CAPN13: variants seen among roughly 807,000 people sequenced by gnomAD.
CAPN13 encodes the protein calpain 13, also known as calpain-13.
CAPN13 carries 90 observed loss-of-function variants against 98.4 expected under a neutral mutation model. That is an observed-to-expected ratio of 0.92 (90% CI 0.77 to 1.09). The LOEUF (loss-of-function observed/expected upper bound fraction) is 1.09. Ranked by LOEUF, CAPN13 falls within the 50% of genes least tolerant of loss-of-function variation. CAPN13 has a pLI of 0.00. For synonymous variants in CAPN13, 330 were observed against 305.5 expected, an observed-to-expected ratio of 1.08 and a Z score of -0.84; for missense variants, 887 against 841.3, an observed-to-expected ratio of 1.05 and a Z score of -0.67.
chr2:30,737,985 A>G, intron 17 of CAPN13: 1 of 536,238 alleles, frequency 1.9e-6, no homozygotes, highest in South Asian at 2.1e-5. Context: ...ACACACACAC[A>G]CACACACACA....
chr2:30,738,568 T>G (rs141316385), intron 15 of CAPN13, 111 bp from the exon 16 acceptor site: 2 of 1,143,642 alleles, frequency 1.7e-6, no homozygotes, highest in Non-Finnish European at 2.6e-6. Context: ...GTCCCCACAA[T>G]GTACCCATCT....
At chr2:30,724,724 C>A (rs1670798324) in intron 22 of CAPN13, among the ~76,000 whole-genome samples, 1 of 152,242 alleles carries the variant, frequency 6.6e-6, no homozygotes, top group South Asian at 2.1e-4. Context: ...CATCCAGACT[C>A]ACAACTCTCA....
chr2:30,740,595 TC>T (rs1212249226), intron 15 of CAPN13, among the ~76,000 whole-genome samples: 2 of 152,212 alleles, frequency 1.3e-5, no homozygotes, highest in Non-Finnish European at 2.9e-5. Context: ...TGGAATCCAG[TC>T]TCTTTTCTGC....
rs1673671165 is a variant in CAPN13 at position 30,775,994 on chromosome 2, T to C, written c.323A>G (p.Tyr108Cys). The C allele has an allele frequency of 6.2e-7, 1 of 1,613,346 alleles. No homozygotes were observed. Among genetic ancestry groups the C allele is most frequent in the Admixed American group, 1.7e-5 (1 of 59,966 alleles). ...ALGSLTQNPQ[Y>C]RQKILMVQSF... is the part of the protein sequence containing the mutation. ...TTGGACCATCAGGATCTTCTGCCTGTACTGTGGGTTCTGAGTCAAGGATCC... is the reference window on the plus strand; with the variant it reads ...TTGGACCATCAGGATCTTCTGCCTGCACTGTGGGTTCTGAGTCAAGGATCC... Residue 108 changes from tyrosine to cysteine, a missense_variant, in exon 4 of 23, where the codon TAC (tyrosine) becomes TGC (cysteine). Transcript: ENST00000295055.
intron 11 of CAPN13, among the ~76,000 whole-genome samples, chr2:30,747,580 C>T (rs1459309575): frequency 6.6e-6 from 1 of 152,198 alleles, no homozygotes; most frequent in Non-Finnish European, 1.5e-5. Flanking sequence ...CTATTCATAT[C>T]CCATCAAGGT....
At position 30,734,593 on chromosome 2, in the gene CAPN13, T is replaced by C. The variant is rs996562055; in HGVS notation, c.1723-69A>G. ...AGGTCTGGATACTCCTTTTCCATCCTGGGAGCTTGCTTCCCTAAACCTCAG... is the reference window on the plus strand; with the variant it reads ...AGGTCTGGATACTCCTTTTCCATCCCGGGAGCTTGCTTCCCTAAACCTCAG... On this transcript the variant is annotated intron_variant, in intron 18 of 22. Coordinates refer to ENST00000295055, the MANE Select transcript of CAPN13 (RefSeq NM_144575.3). 7 of 1,287,910 alleles carry C rather than the reference T, an allele frequency of 5.4e-6. No individual in the cohort carries two copies. The South Asian group carries it at 8.7e-5, about 16-fold the overall frequency. 79.8% of individuals were successfully genotyped at this position (1,287,910 alleles called of 1,614,324 possible). A position where few individuals can be genotyped will look rare whatever the true frequency, so the allele number is the denominator to read the frequency against.
chr2:30,803,464 T>G (rs1381937988), intron 1 of CAPN13, among the ~76,000 whole-genome samples: 2 of 152,048 alleles, frequency 1.3e-5, no homozygotes, highest in Non-Finnish European at 2.9e-5. Context: ...CCAGTGGAGA[T>G]CAGAGGGCAG....
intron 11 of CAPN13, among the ~76,000 whole-genome samples, chr2:30,747,367 C>G (rs1337145730): frequency 2.0e-5 from 3 of 152,210 alleles, no homozygotes; most frequent in Non-Finnish European, 2.9e-5. Context: ...CAGGTGATGT[C>G]TTCCTTAGTT....
At chr2:30,781,437 T>C (rs1346858524) in intron 2 of CAPN13, among the ~76,000 whole-genome samples, 1 of 152,220 alleles carries the variant, frequency 6.6e-6, no homozygotes, top group Non-Finnish European at 1.5e-5. Flanking sequence ...ACATTACTTC[T>C]GGGCATGTCC....
intron 12 of CAPN13, among the ~76,000 whole-genome samples, chr2:30,744,695 C>T (rs1488257092): frequency 6.6e-6 from 1 of 152,180 alleles, no homozygotes; most frequent in Non-Finnish European, 1.5e-5. Context: ...AACAGACTTG[C>T]TCAGTGGCAG....
At chr2:30,783,003 C>T (rs904906991) in intron 2 of CAPN13, among the ~76,000 whole-genome samples, 8 of 152,054 alleles carry the variant, frequency 5.3e-5, no homozygotes, top group Middle Eastern at 3.2e-3. Context: ...TTGAACAGTG[C>T]GAGAAGAACA....
chr2:30,754,869 A>G (rs1322094158), intron 8 of CAPN13, among the ~76,000 whole-genome samples: 1 of 152,128 alleles, frequency 6.6e-6, no homozygotes, highest in African/African-American at 2.4e-5. Flanking sequence ...CCCTGAACTC[A>G]GTTCTGCCCA....
At chr2:30,798,707 A>G (rs1270906111) in intron 1 of CAPN13, among the ~76,000 whole-genome samples, 1 of 152,204 alleles carries the variant, frequency 6.6e-6, no homozygotes, top group Non-Finnish European at 1.5e-5. Flanking sequence ...GTAGCAGAAC[A>G]CGACAGGGGA....
intron 5 of CAPN13, 112 bp from the exon 6 acceptor site, chr2:30,764,418 A>G: frequency 8.4e-7 from 1 of 1,185,306 alleles, no homozygotes; most frequent in South Asian, 1.5e-5. Context: ...TGCCTGGTCC[A>G]CTCCTGATCA....
intron 21 of CAPN13, 99 bp downstream of exon 21, chr2:30,731,245 G>T: frequency 1.8e-6 from 2 of 1,106,374 alleles, no homozygotes; most frequent in South Asian, 1.7e-5. Flanking sequence ...GCCTTTGACA[G>T]ACCGTTCAAT....
chr2:30,753,499 G>A (rs1355858401), intron 9 of CAPN13, among the ~76,000 whole-genome samples: 2 of 152,152 alleles, frequency 1.3e-5, no homozygotes, highest in Non-Finnish European at 2.9e-5. Flanking sequence ...TGGGACGACG[G>A]CCAGTCTCTC....
intron 1 of CAPN13, among the ~76,000 whole-genome samples, chr2:30,793,365 G>GA (rs1447450498): frequency 4.6e-5 from 7 of 151,240 alleles, no homozygotes; most frequent in Non-Finnish European, 5.9e-5. Flanking sequence ...AAATACTTGG[G>GA]AAAAAATATA....
intron 22 of CAPN13, among the ~76,000 whole-genome samples, chr2:30,728,511 G>A (rs576430214): frequency 1.3e-5 from 2 of 152,220 alleles, no homozygotes; most frequent in South Asian, 2.1e-4. Context: ...AGACAGTAAG[G>A]CCAAAGGCTT....
chr2:30,734,424 C>T (rs370411246), intron 19 of CAPN13, 25 bp downstream of exon 19: 22 of 1,602,084 alleles, frequency 1.4e-5, no homozygotes, highest in Non-Finnish European at 1.8e-5. Context: ...CCTTGGGCAC[C>T]ACAGCTCCAA....
Sources: gnomAD v4.1 joint callset for allele counts (sites outside exome capture counted in the v4.1 genomes callset) on GRCh38, gnomAD v4.1.1 for gene constraint, MANE v1.5 for transcripts, NCBI Gene and HGNC (gene_info 2026-07-23, HGNC 2026-07-21) for gene names.